Variants in POLD1 observed in about 807,000 individuals in gnomAD.
The protein encoded by POLD1 is DNA polymerase delta 1, catalytic subunit.
In POLD1, 79 loss-of-function variants were observed where a neutral mutation model predicts 129.7. The observed-to-expected ratio is 0.61, with a 90% confidence interval of 0.51 to 0.73. The LOEUF (loss-of-function observed/expected upper bound fraction) is 0.73, where lower values mean the gene tolerates loss of function less well. Among genes scored for constraint, POLD1 ranks in the 30% least tolerant of loss-of-function variants. POLD1 has a pLI of 0.00. For missense variants in POLD1, 1,338 were observed against 1,595.8 expected (o/e 0.84, Z 2.75); for synonymous variants, 714 against 683.3 (o/e 1.04, Z -0.70).
At chr19:50,391,784 C>T (rs1421100104) in intron 1 of POLD1, among the ~76,000 whole-genome samples, 1 of 152,122 alleles carries the variant, frequency 6.6e-6, no homozygotes, top group African/African-American at 2.4e-5. Context: ...GCAATCTTGG[C>T]TCACTGCAAC....
chr19:50,410,699 C>T (rs2039059168), intron 17 of POLD1, among the ~76,000 whole-genome samples: 1 of 152,142 alleles, frequency 6.6e-6, no homozygotes, highest in African/African-American at 2.4e-5. Context: ...CTCCTTCCTC[C>T]CAGTTTTGAT....
At chr19:50,407,456 T>G in intron 14 of POLD1, 41 bp downstream of exon 14, 17 of 1,374,112 alleles carry the variant, frequency 1.2e-5, no homozygotes, top group African/African-American at 1.4e-5. Context: ...CTGTAATCTC[T>G]GGGAGGCTGA....
chr19:50,409,256 G>A lies in POLD1; in HGVS notation c.2006+21G>A. 1 of 1,530,432 alleles carries A rather than the reference G, an allele frequency of 6.5e-7. No homozygotes were observed. Among genetic ancestry groups the A allele is most frequent in the Non-Finnish European group, 9.1e-7 (1 of 1,104,842 alleles). The allele number at this position is 1,530,432 out of a possible 1,614,324, so 94.8% of individuals were successfully genotyped here. The stretch of plus-strand genomic sequence containing the variant: ...AAGAGGTGAGCCCTGGAGATCGCCT[G>A]CTTGGAGCTCAGACCTGTTGGGGCC... On this transcript the variant is annotated intron_variant, in intron 16 of 26. Transcript: ENST00000440232. This position sits in a 1 kb window ranked among gnomAD's most constrained non-coding sequence, Gnocchi z 5.8.
At position 50,407,427 on chromosome 19, in the gene POLD1, G is replaced by C. The variant is rs527366294; in HGVS notation, c.1775+12G>C. The C allele has an allele frequency of 1.1e-5, 18 of 1,573,054 alleles. No individual in the cohort carries two copies. In the Admixed American group the frequency reaches 3.0e-4, roughly 27 times the overall value. On this transcript the variant is annotated intron_variant, in intron 14 of 26. Coordinates refer to ENST00000440232, the MANE Select transcript of POLD1 (RefSeq NM_002691.4). Reference sequence around the variant, plus strand: ...GAGCCCCTCAAAGGGTGAGGCCCCAGGCTGGGTGCAGTTTTTACCTGTAAT... The same window carrying C: ...GAGCCCCTCAAAGGGTGAGGCCCCACGCTGGGTGCAGTTTTTACCTGTAAT...
chr19:50,400,306 C>T (rs571953392), intron 3 of POLD1, among the ~76,000 whole-genome samples: 8 of 141,832 alleles, frequency 5.6e-5, no homozygotes, highest in East Asian at 4.2e-4. Flanking sequence ...CTATAACCTC[C>T]GCCTCCTGGG....
At chr19:50,400,120 G>T (rs112958118) in intron 3 of POLD1, among the ~76,000 whole-genome samples, 14,384 of 102,242 alleles carry the variant, frequency 0.14, 947 homozygotes, top group South Asian at 0.28. Context: ...AGCCCAATTT[G>T]ACTTTTTAAA....
At chr19:50,392,716 A>G (rs1002077582) in intron 1 of POLD1, among the ~76,000 whole-genome samples, 30 of 152,018 alleles carry the variant, frequency 2.0e-4, no homozygotes, top group African/African-American at 7.0e-4. Context: ...ACCTCAAGTG[A>G]TCCACCCTCC....
chr19:50,414,754 C>T lies in POLD1; in HGVS notation c.2389-61C>T, dbSNP rs533167626. 1.5e-5 allele frequency: 20 copies of T among 1,320,790 alleles called. No homozygotes were observed. In the East Asian group the frequency reaches 2.7e-4, roughly 18 times the overall value. 81.8% of individuals were successfully genotyped at this position (1,320,790 alleles called of 1,614,324 possible). On this transcript the variant is annotated intron_variant, in intron 19 of 26. Transcript: ENST00000440232. ...CTGTCTACCTTCAGTTTCTGGGGGG[C>T]GTCTCCAGATTGGGGCTTGGCCTCC... is the stretch of plus-strand genomic sequence containing the variant.
At chr19:50,410,165 G>C (rs1032469257) in intron 17 of POLD1, among the ~76,000 whole-genome samples, 4 of 152,222 alleles carry the variant, frequency 2.6e-5, no homozygotes, top group African/African-American at 9.6e-5. Context: ...ACCCACGGCA[G>C]CTCTGCTGCT....
At position 50,398,918 on chromosome 19, in the gene POLD1, T is replaced by C. The variant is rs1189793004; in HGVS notation, c.67T>C (p.Trp23Arg). 1 of 1,598,072 alleles carries C rather than the reference T, an allele frequency of 6.3e-7. No individual in the cohort carries two copies. ...CCCAAAGCGGGCCCGTGGGGGCCTC[T>C]GGGATGATGATGATGCACCTCGGCC... Reference protein sequence around the residue: ...VPPKRARGGLWDDDDAPRPSQ... With the variant: ...VPPKRARGGLRDDDDAPRPSQ... Residue 23 changes from tryptophan to arginine, a missense_variant, in exon 2 of 27, where the codon TGG becomes CGG. Coordinates refer to ENST00000440232, the MANE Select transcript of POLD1 (RefSeq NM_002691.4).
At chr19:50,398,739 A>G in intron 1 of POLD1, 112 bp from the exon 2 acceptor site, 1 of 1,489,876 alleles carries the variant, frequency 6.7e-7, no homozygotes, top group Non-Finnish European at 8.9e-7. Context: ...TAGTACAGCC[A>G]GTCCAGAGTA....
rs780498642 is a variant in POLD1, at chr19:50,402,617, G to T, written c.846G>T (p.Thr282=). ...TGACCCACCCATGCCCACAGGCTAC[G>T]CAGTGCCAGCTGGAGGCGGACGTGC... ...KYALRLKEKA[T]QCQLEADVLW... is the part of the protein sequence containing the mutation. The change falls in exon 8 of 27, where the codon ACG becomes ACT. Residue 282 remains threonine (T), a synonymous_variant. Coordinates refer to ENST00000440232, the MANE Select transcript of POLD1 (RefSeq NM_002691.4). The T allele has an allele frequency of 6.4e-7, 1 of 1,572,618 alleles. No individual in the cohort carries two copies. Among genetic ancestry groups the T allele is most frequent in the Non-Finnish European group, 8.6e-7 (1 of 1,158,470 alleles).
At chr19:50,384,416 C>T (rs924430602) in intron 1 of POLD1, 26 bp downstream of exon 1, 2 of 152,576 alleles carry the variant, frequency 1.3e-5, no homozygotes, top group South Asian at 2.0e-4. Flanking sequence ...AAAGGGAGTT[C>T]GGGGCAGTGG....
Position 50,406,910 on chromosome 19 carries a change from C to A in POLD1, c.1495-73C>A. ...CCTCCCCAGGCTACCTCACCCTGAC[C>A]CCCACTTCCTTCTCCTGCTCCACCT... On this transcript the variant is annotated intron_variant, in intron 12 of 26. Coordinates refer to ENST00000440232, the MANE Select transcript of POLD1 (RefSeq NM_002691.4). The surrounding 1 kb of genome is among the most constrained non-coding windows in gnomAD (Gnocchi z 5.5). The A allele has an allele frequency of 7.8e-7, 1 of 1,285,102 alleles. No individual in the cohort carries two copies. The allele number at this position is 1,285,102 out of a possible 1,614,324, so 79.6% of individuals were successfully genotyped here.
chr19:50,401,320 A>G (rs1270345721), intron 3 of POLD1, among the ~76,000 whole-genome samples: 1 of 143,798 alleles, frequency 7.0e-6, no homozygotes, highest in Middle Eastern at 3.4e-3. Flanking sequence ...GTAGAGACAA[A>G]TATATTTATT....
Position 50,415,794 on chromosome 19 carries a change from G to C in POLD1, c.2788G>C (p.Ala930Pro). 1 of 1,560,522 alleles carries C rather than the reference G, an allele frequency of 6.4e-7. No homozygotes were observed. Among genetic ancestry groups the C allele is most frequent in the Non-Finnish European group, 8.7e-7 (1 of 1,155,094 alleles). Residue 930 changes from alanine (A) to proline (P), a missense_variant, in exon 22 of 27, where the codon GCC becomes CCC. Around this residue, in one of 3 missense-constraint regions of POLD1, gnomAD observed 286 missense variants for 277.5 expected, o/e 1.03. Transcript: ENST00000440232. Reference sequence around the variant, plus strand: ...CGTCCCCTACGTGATCATCAGTGCCGCCAAGGGTGTGGCCGCCTACATGAA... The same window carrying C: ...CGTCCCCTACGTGATCATCAGTGCCCCCAAGGGTGTGGCCGCCTACATGAA... ...DRVPYVIISA[A>P]KGVAAYMKSE...
At chr19:50,408,335 A>C (rs1341080574) in intron 14 of POLD1, among the ~76,000 whole-genome samples, 1 of 151,746 alleles carries the variant, frequency 6.6e-6, no homozygotes, top group East Asian at 1.9e-4. Flanking sequence ...ACTCCGTCTC[A>C]AAAAAAATAA....
rs1047055324 is a variant in POLD1 at position 50,392,631 on chromosome 19, C to T, written c.-1-6220C>T. Among the ~76,000 whole-genome samples the T allele has an allele frequency of 4.1e-4, 62 of 150,538 alleles. 1 individual carries two copies. The highest frequency in any genetic ancestry group is 1.2e-3 in the Admixed American group (18 of 15,248). On this transcript the variant is annotated intron_variant, in intron 1 of 26. Transcript: ENST00000440232. ...TAGCTGGTATTACAGGCACCCACCACCACGCCTGGCTAATTTTTGTATTTT... is the reference window on the plus strand; with the variant it reads ...TAGCTGGTATTACAGGCACCCACCATCACGCCTGGCTAATTTTTGTATTTT...
At position 50,406,837 on chromosome 19, in the gene POLD1, A is replaced by G. The variant is rs2038903775; in HGVS notation, c.1495-146A>G. On this transcript the variant is annotated intron_variant, in intron 12 of 26. Transcript: ENST00000440232. The surrounding 1 kb of genome is among the most constrained non-coding windows in gnomAD (Gnocchi z 5.5). ...CCCAACCCTACCTCCATCCCCACCC[A>G]GACCCTGACGACTTGGAGGGCCCTC... is the stretch of plus-strand genomic sequence containing the variant. The G allele has an allele frequency of 3.1e-6, 2 of 647,416 alleles. No homozygotes were observed. The highest frequency in any genetic ancestry group is 1.9e-5 in the African/African-American group (1 of 52,778). 40.1% of individuals were successfully genotyped at this position (647,416 alleles called of 1,614,324 possible).
Sources: allele counts gnomAD v4.1 joint callset (sites outside exome capture counted in the v4.1 genomes callset), GRCh38; gene constraint gnomAD v4.1.1; regional missense constraint gnomAD v4.1.1; non-coding constraint Gnocchi (gnomAD v3.1); transcripts MANE v1.5; gene names NCBI Gene and HGNC (gene_info 2026-07-23, HGNC 2026-07-21).